HAUS8: variants seen among roughly 807,000 people sequenced by gnomAD.
The protein encoded by HAUS8 is HAUS augmin-like complex subunit 8.
A neutral mutation model predicts 42.9 loss-of-function variants in HAUS8; 38 were observed. The observed-to-expected ratio is 0.89, with a 90% CI of 0.68 to 1.16. The LOEUF is 1.16. Ranked by LOEUF, HAUS8 falls within the 50% of genes most tolerant of loss-of-function variation. The pLI is 0.00. For synonymous variants in HAUS8, 199 were observed against 205.8 expected, an observed-to-expected ratio of 0.97 and a Z score of 0.28; for missense variants, 494 against 511.6, an observed-to-expected ratio of 0.97 and a Z score of 0.33.
In HAUS8 at chr19:17,058,633, C is replaced by T. The variant is rs762137724; in HGVS notation, c.561G>A (p.Lys187=). 1.2e-6 allele frequency: 2 copies of T among 1,613,536 alleles called. No homozygotes were observed. Among genetic ancestry groups the T allele is most frequent in the East Asian group, 2.2e-5 (1 of 44,892 alleles). ...TCAGCTCGTGGGCCTTTTTCTGTAG[C>T]TTCTCCTTCTCCTTACACATTATTA... ...NLLIMCKEKE[K]LQKKAHELKR... The change falls in exon 8 of 11, where the codon AAG becomes AAA. Residue 187 remains lysine, a synonymous_variant. Transcript: ENST00000253669.
chr19:17,066,856 A>G (rs1356197960), intron 3 of HAUS8, among the ~76,000 whole-genome samples: 1 of 152,188 alleles, frequency 6.6e-6, no homozygotes, highest in African/African-American at 2.4e-5. Flanking sequence ...CTGTCAATCA[A>G]TGAACAGATG....
At chr19:17,070,886 A>G (rs1028624444) in intron 2 of HAUS8, among the ~76,000 whole-genome samples, 4 of 152,100 alleles carry the variant, frequency 2.6e-5, no homozygotes, top group Non-Finnish European at 5.9e-5. Flanking sequence ...CCTGGCCAAC[A>G]TGGAGAAACC....
rs569220601 is a variant in HAUS8, at chr19:17,052,852, G to A, written c.902C>T (p.Thr301Met). ...LDLLSELKDV[T>M]AKKDLELRRS... Reference sequence around the variant, plus strand: ...TCGGAGCTCAAGGTCCTTTTTCGCCGTCACGTCCTTGAGTTCGCTCAGTAA... The same window carrying A: ...TCGGAGCTCAAGGTCCTTTTTCGCCATCACGTCCTTGAGTTCGCTCAGTAA... The change falls in exon 10 of 11, where the codon ACG becomes ATG. Residue 301 changes from threonine (T) to methionine (M), a missense_variant. Transcript: ENST00000253669. 2.0e-5 allele frequency: 33 copies of A among 1,614,050 alleles called. No individual in the cohort carries two copies. Among genetic ancestry groups the A allele is most frequent in the Admixed American group, 3.3e-5 (2 of 59,976 alleles).
At chr19:17,058,977 A>G in intron 6 of HAUS8, 101 bp from the exon 7 acceptor site, 1 of 911,584 alleles carries the variant, frequency 1.1e-6, no homozygotes, top group Non-Finnish European at 1.7e-6. Flanking sequence ...GATTTTCTGT[A>G]TTCAGTTTGA....
At position 17,075,270 on chromosome 19, in the gene HAUS8, C is replaced by T. The variant is rs2057463304; in HGVS notation, c.29+124G>A. 22 of 1,069,318 alleles carry T rather than the reference C, an allele frequency of 2.1e-5. 1 individual carries two copies. In the South Asian group the frequency reaches 2.8e-4, roughly 13 times the overall value. 66.2% of individuals were successfully genotyped at this position (1,069,318 alleles called of 1,614,324 possible). A position where few individuals can be genotyped will look rare whatever the true frequency, so the allele number is the denominator to read the frequency against. ...CACGCCATCGGGGTCTTCAGGGGCC[C>T]GCGCAGTTCCTGGCGGGGTCGAACC... On this transcript the variant is annotated intron_variant, in intron 1 of 10. Transcript: ENST00000253669.
In HAUS8 at chr19:17,060,076, GA is replaced by G; in HGVS notation, c.245del (p.Val82AlafsTer38). ...ACGTGGACTGCAGGTCACCCTTTCCGACCCCACTGCTATCTGCTGTTAAGAA... is the reference window on the plus strand; with the variant it reads ...ACGTGGACTGCAGGTCACCCTTTCCGCCCCACTGCTATCTGCTGTTAAGAA... ...LQKSKADSSG[V>X]GKGDLQSTLL... On this transcript the variant is annotated frameshift_variant, in exon 5 of 11. Coordinates refer to ENST00000253669, the MANE Select transcript of HAUS8 (RefSeq NM_033417.2). LOFTEE classifies it high-confidence loss of function. 1 of 1,610,784 alleles carries G rather than the reference GA, an allele frequency of 6.2e-7. No homozygotes were observed. The highest frequency in any genetic ancestry group is 8.5e-7 in the Non-Finnish European group (1 of 1,177,194).
chr19:17,054,645 T>C (rs1222188307), intron 9 of HAUS8, among the ~76,000 whole-genome samples: 1 of 151,296 alleles, frequency 6.6e-6, no homozygotes, highest in African/African-American at 2.4e-5. Context: ...CTACTAAAAA[T>C]ACAACATTAG....
intron 3 of HAUS8, among the ~76,000 whole-genome samples, chr19:17,063,501 C>T (rs1473496020): frequency 6.6e-6 from 1 of 152,226 alleles, no homozygotes; most frequent in Non-Finnish European, 1.5e-5. Context: ...AATCCCCGAA[C>T]ATCTTCAAAA....
intron 8 of HAUS8, among the ~76,000 whole-genome samples, chr19:17,057,350 CA>C (rs34546503): frequency 0.45 from 66,264 of 146,652 alleles, 14,779 homozygotes; most frequent in South Asian, 0.59. Flanking sequence ...ACGCCCATCT[CA>C]AAAAAAAAAA....
At chr19:17,065,325 T>A (rs1024097010) in intron 3 of HAUS8, among the ~76,000 whole-genome samples, 14 of 152,184 alleles carry the variant, frequency 9.2e-5, no homozygotes, top group African/African-American at 3.4e-4. Context: ...TAAACCCTTG[T>A]TACAGTAAGC....
rs576884528 is a variant in HAUS8, at chr19:17,070,001, C to T, written c.92-915G>A. ...CCCTCACTTCCAAAAGGAAATGCCC[C>T]GCAACTCCCACCTCCCTGCCTGAAT... On this transcript the variant is annotated intron_variant, in intron 2 of 10. Transcript: ENST00000253669. Among the ~76,000 whole-genome samples, 382 of 152,150 alleles carry T rather than the reference C, an allele frequency of 2.5e-3. 6 individuals carry two copies. The highest frequency in any genetic ancestry group is 8.8e-3 in the African/African-American group (367 of 41,488).
chr19:17,063,166 C>T (rs936797625), intron 3 of HAUS8, among the ~76,000 whole-genome samples: 1 of 152,194 alleles, frequency 6.6e-6, no homozygotes, highest in African/African-American at 2.4e-5. Flanking sequence ...ACATGGAGCA[C>T]TGGCCTTCTA....
At position 17,075,413 on chromosome 19, in the gene HAUS8, A is replaced by T; in HGVS notation, c.10T>A (p.Ser4Thr). The change falls in exon 1 of 11, where the codon TCC (serine) becomes ACC (threonine). Residue 4 changes from serine to threonine, a missense_variant. Transcript: ENST00000253669. ...ACTCACCCAGCGCCTCGCCCCGAGGAATCCGCCATTTTCCCGCCTTCCACC... is the reference window on the plus strand; with the variant it reads ...ACTCACCCAGCGCCTCGCCCCGAGGTATCCGCCATTTTCCCGCCTTCCACC... MADSSGRGAGKPAT... is the reference protein window; with the variant it reads MADTSGRGAGKPAT... 6.2e-7 allele frequency: 1 copy of T among 1,613,874 alleles called. No individual in the cohort carries two copies. The highest frequency in any genetic ancestry group is 8.5e-7 in the Non-Finnish European group (1 of 1,179,896).
chr19:17,053,337 G>A, intron 9 of HAUS8: 2 of 238,514 alleles, frequency 8.4e-6, no homozygotes, highest in Non-Finnish European at 1.7e-5. Flanking sequence ...GCACCACTGA[G>A]CAGAAGGATG....
In HAUS8 at chr19:17,052,899, T is replaced by C. The variant is rs752943638; in HGVS notation, c.855A>G (p.Glu285=). ...LLGELDVGDS[E]ENVQVLDLLS... ...GTAAGTCCAGCACCTGCACATTTTC[T>C]TCCGAATCACCAACATCAAGTTCTC... The change falls in exon 10 of 11, where the codon GAA becomes GAG. Residue 285 remains glutamate (E), a synonymous_variant. Transcript: ENST00000253669. The C allele has an allele frequency of 1.2e-5, 20 of 1,614,204 alleles. No individual in the cohort carries two copies. Among genetic ancestry groups the C allele is most frequent in the Non-Finnish European group, 1.7e-5 (20 of 1,180,030 alleles).
Position 17,050,333 on chromosome 19 carries a change from C to A in HAUS8, c.930-157G>T, listed in dbSNP as rs76937042. On this transcript the variant is annotated intron_variant, in intron 10 of 10. Transcript: ENST00000253669. ...CAAATAAGATCCGTCTGAAAAGACTCAATCAGGGAAACCCCCCAAGAACAG... is the reference window on the plus strand; with the variant it reads ...CAAATAAGATCCGTCTGAAAAGACTAAATCAGGGAAACCCCCCAAGAACAG... Among the ~76,000 whole-genome samples, 4,538 of 152,156 alleles carry A rather than the reference C, an allele frequency of 0.03. 87 individuals are homozygous for A. The highest frequency in any genetic ancestry group is 0.05 in the Admixed American group (769 of 15,278).
rs768831665 is a variant in HAUS8, at chr19:17,050,072, C to G, written c.1034G>C (p.Arg345Pro). 6.2e-7 allele frequency: 1 copy of G among 1,603,650 alleles called. No individual in the cohort carries two copies. Among genetic ancestry groups the G allele is most frequent in the Admixed American group, 1.7e-5 (1 of 58,380 alleles). Residue 345 changes from arginine to proline, a missense_variant, in exon 11 of 11, where the codon CGG (arginine) becomes CCG (proline). Arg to Pro is a moderately radical substitution (Grantham distance 103, BLOSUM62 -2). Transcript: ENST00000253669. ...GGCACTGTCTTGATTGAAATACCAC[C>G]GGCTGGGGGGCGCCATGCCCTGGGT... ...EETQGMAPPS[R>P]WYFNQDSACR...
chr19:17,056,576 C>T (rs980121435), intron 8 of HAUS8, among the ~76,000 whole-genome samples: 23 of 151,068 alleles, frequency 1.5e-4, no homozygotes, highest in Non-Finnish European at 3.3e-4. Flanking sequence ...CACATACAGA[C>T]ACACACACAC....
At chr19:17,064,116 G>A (rs527395215) in intron 3 of HAUS8, among the ~76,000 whole-genome samples, 6 of 152,300 alleles carry the variant, frequency 3.9e-5, no homozygotes, top group Admixed American at 1.3e-4. Flanking sequence ...CAAGTTTGGA[G>A]ATTGAAATTA....
Sources: allele counts gnomAD v4.1 joint callset (sites outside exome capture counted in the v4.1 genomes callset), GRCh38; gene constraint gnomAD v4.1.1; transcripts MANE v1.5; gene names NCBI Gene and HGNC (gene_info 2026-07-23, HGNC 2026-07-21).